STT3B: variants seen among roughly 807,000 people sequenced by gnomAD.
The protein encoded by STT3B is STT3 oligosaccharyltransferase complex catalytic subunit B, also known as dolichyl-diphosphooligosaccharide--protein glycosyltransferase subunit STT3B.
Under a neutral mutation model 96.8 loss-of-function variants are expected in STT3B, and 29 were observed. That is an observed-to-expected ratio of 0.30 (90% CI 0.22 to 0.41). The LOEUF (loss-of-function observed/expected upper bound fraction) is 0.41, where lower values mean the gene tolerates loss of function less well. Among genes scored for constraint, STT3B ranks in the 10% least tolerant of loss-of-function variants. STT3B has a pLI of 1.00. For synonymous variants in STT3B, 367 were observed against 360.0 expected (o/e 1.02, Z -0.22); for missense variants, 640 against 1,022.3 (o/e 0.63, Z 5.10).
Position 31,636,354 on chromosome 3 carries a change from T to C in STT3B, c.*290T>C. On this transcript the variant is annotated 3_prime_UTR_variant, in exon 16 of 16. Coordinates refer to ENST00000295770, the MANE Select transcript of STT3B (RefSeq NM_178862.3). ...TTCAAATCTGAGAATTTGGACTAAC[T>C]GCACCAAAGAACCCTCTAATTTGGT... is the stretch of plus-strand genomic sequence containing the variant. The C allele has an allele frequency of 4.3e-6, 1 of 234,678 alleles. No individual in the cohort carries two copies. Among genetic ancestry groups the C allele is most frequent in the East Asian group, 8.3e-5 (1 of 12,064 alleles). 14.5% of individuals were successfully genotyped at this position (234,678 alleles called of 1,614,324 possible).
intron 1 of STT3B, 83 bp downstream of exon 1, chr3:31,533,395 C>G (rs2125430410): frequency 7.5e-7 from 1 of 1,328,780 alleles, no homozygotes; most frequent in Admixed American, 3.5e-5. Flanking sequence ...CTCTCCTCGA[C>G]TTGGCCCCGC....
chr3:31,572,858 T>C (rs1698190720), intron 1 of STT3B, among the ~76,000 whole-genome samples: 1 of 152,222 alleles, frequency 6.6e-6, no homozygotes, highest in African/African-American at 2.4e-5. Context: ...AAAATTCTCA[T>C]ATGTCCTTTG....
intron 9 of STT3B, among the ~76,000 whole-genome samples, chr3:31,621,473 A>C (rs1699427976): frequency 6.6e-6 from 1 of 152,258 alleles, no homozygotes; most frequent in Admixed American, 6.5e-5. Context: ...GCATCAGATA[A>C]GGTAGGAGCT....
At chr3:31,570,825 G>A (rs1285136379) in intron 1 of STT3B, among the ~76,000 whole-genome samples, 1 of 152,162 alleles carries the variant, frequency 6.6e-6, no homozygotes, top group Non-Finnish European at 1.5e-5. Context: ...AAGGAAAGGA[G>A]TAGGGGGATT....
intron 1 of STT3B, among the ~76,000 whole-genome samples, chr3:31,572,246 A>G (rs954415367): frequency 6.8e-5 from 10 of 147,116 alleles, no homozygotes; most frequent in Admixed American, 2.1e-4. Flanking sequence ...GAATGCAAGC[A>G]GTTCTTATAT....
intron 3 of STT3B, among the ~76,000 whole-genome samples, chr3:31,593,157 G>A (rs1698703400): frequency 6.6e-6 from 1 of 152,160 alleles, no homozygotes; most frequent in Non-Finnish European, 1.5e-5. Flanking sequence ...GGATAGTTAT[G>A]TAAGAATATA....
At chr3:31,580,151 A>G (rs2125453827) in intron 3 of STT3B, 55 bp downstream of exon 3, 1 of 1,553,588 alleles carries the variant, frequency 6.4e-7, no homozygotes, top group African/African-American at 1.4e-5. Context: ...TTCTCCTGAA[A>G]CACTTTAGGC....
At chr3:31,594,866 GA>G (rs916412865) in intron 3 of STT3B, among the ~76,000 whole-genome samples, 5 of 152,174 alleles carry the variant, frequency 3.3e-5, no homozygotes, top group African/African-American at 1.2e-4. Flanking sequence ...AGATCTGGAA[GA>G]GTCCCAAGTG....
intron 1 of STT3B, among the ~76,000 whole-genome samples, chr3:31,551,161 A>T (rs546779096): frequency 5.4e-4 from 81 of 150,056 alleles, no homozygotes; most frequent in African/African-American, 1.9e-3. Context: ...GTTGAATTGT[A>T]CTCCTTTCCT....
At chr3:31,575,678 G>C (rs1390945129) in intron 1 of STT3B, among the ~76,000 whole-genome samples, 1 of 151,956 alleles carries the variant, frequency 6.6e-6, no homozygotes, top group African/African-American at 2.4e-5. Flanking sequence ...TTCTACCTCA[G>C]GCAGACACCT....
chr3:31,627,181 G>A (rs761538177), intron 13 of STT3B, among the ~76,000 whole-genome samples: 2 of 152,160 alleles, frequency 1.3e-5, no homozygotes, highest in African/African-American at 2.4e-5. Flanking sequence ...AGGCCACATA[G>A]CAGGAGGTAA....
chr3:31,537,815 A>G (rs1001622947), intron 1 of STT3B, among the ~76,000 whole-genome samples: 1 of 152,170 alleles, frequency 6.6e-6, no homozygotes, highest in African/African-American at 2.4e-5. Context: ...ATCAATTTTT[A>G]TACTCTCTAT....
chr3:31,604,063 C>A (rs1228865566), intron 5 of STT3B, among the ~76,000 whole-genome samples: 2 of 152,080 alleles, frequency 1.3e-5, no homozygotes, highest in African/African-American at 4.8e-5. Context: ...AAATCAATTT[C>A]TAATATTGAT....
chr3:31,547,856 A>G (rs1043757310), intron 1 of STT3B, among the ~76,000 whole-genome samples: 15 of 152,192 alleles, frequency 9.9e-5, no homozygotes, highest in Admixed American at 7.9e-4. Flanking sequence ...TTAAAATTCT[A>G]TGTGTTGAAG....
At chr3:31,601,350 A>G (rs1698923168) in intron 5 of STT3B, among the ~76,000 whole-genome samples, 2 of 152,248 alleles carry the variant, frequency 1.3e-5, no homozygotes, top group African/African-American at 2.4e-5. Flanking sequence ...TATTCATACA[A>G]TGGTGTATTA....
At position 31,617,059 on chromosome 3, in the gene STT3B, C is replaced by A; in HGVS notation, c.1107C>A (p.Ile369=). The change falls in exon 7 of 16, where the codon ATC becomes ATA. Residue 369 remains isoleucine (I), a synonymous_variant. Transcript: ENST00000295770. ...CAGGTGCTGTGTTCCTTAGTGTCAT[C>A]TATTTGACTTATACAGGTACGTGTT... ...LAAGAVFLSV[I]YLTYTGYIAP... is the part of the protein sequence containing the mutation. 6.2e-7 allele frequency: 1 copy of A among 1,607,716 alleles called. No homozygotes were observed. Among genetic ancestry groups the A allele is most frequent in the Non-Finnish European group, 8.5e-7 (1 of 1,175,564 alleles).
chr3:31,619,853 A>T, intron 9 of STT3B, 23 bp downstream of exon 9: 5 of 1,591,560 alleles, frequency 3.1e-6, no homozygotes, highest in Non-Finnish European at 4.3e-6. Context: ...TTTAATGAAT[A>T]CTTTGATATG....
chr3:31,615,287 C>A, intron 6 of STT3B, 84 bp downstream of exon 6: 2 of 1,057,972 alleles, frequency 1.9e-6, no homozygotes, highest in South Asian at 1.6e-5. Context: ...AGTTTTTGAT[C>A]ATTTTGGTTG....
chr3:31,533,497 C>T (rs987252230), intron 1 of STT3B, 185 bp downstream of exon 1: 9 of 701,742 alleles, frequency 1.3e-5, no homozygotes, highest in Admixed American at 4.7e-5. Flanking sequence ...AAGTTTGCCC[C>T]GTGCAGCCTG....
Sources: allele counts gnomAD v4.1 joint callset (sites outside exome capture counted in the v4.1 genomes callset), GRCh38; gene constraint gnomAD v4.1.1; transcripts MANE v1.5; gene names NCBI Gene and HGNC (gene_info 2026-07-23, HGNC 2026-07-21).